PI4KA: variants seen among roughly 807,000 people sequenced by gnomAD.
The protein encoded by PI4KA is phosphatidylinositol 4-kinase alpha, also known as PI4-kinase alpha.
PI4KA carries 122 observed loss-of-function variants against 271.4 expected under a neutral mutation model. The ratio of observed to expected loss-of-function variants is 0.45; its 90% CI spans 0.39 to 0.52. The LOEUF is 0.52. Ranked by LOEUF, PI4KA falls within the 20% of genes least tolerant of loss-of-function variation. PI4KA has a pLI of 0.00. For missense variants in PI4KA, 1,969 were observed against 2,769.1 expected, an observed-to-expected ratio of 0.71 and a Z score of 6.48; for synonymous variants, 1,041 against 1,078.8, an observed-to-expected ratio of 0.96 and a Z score of 0.69.
chr22:20,821,468 C>T (rs528424897), intron 4 of PI4KA, among the ~76,000 whole-genome samples: 1 of 152,194 alleles, frequency 6.6e-6, no homozygotes, highest in Non-Finnish European at 1.5e-5. Flanking sequence ...GATCCACCTG[C>T]CTTGGCCTCG....
chr22:20,848,874 A>G (rs554480734), intron 1 of PI4KA, among the ~76,000 whole-genome samples: 1 of 152,324 alleles, frequency 6.6e-6, no homozygotes, highest in East Asian at 1.9e-4. Context: ...TGTACTTCAA[A>G]GAACACCATG....
In PI4KA at chr22:20,713,710, T is replaced by TGTC. The variant is rs754346328; in HGVS notation, c.5462-323_5462-321dup. Among the ~76,000 whole-genome samples, 110 of 152,334 alleles carry TGTC rather than the reference T, an allele frequency of 7.2e-4. 1 individual carries two copies. Among genetic ancestry groups the TGTC allele is most frequent in the Middle Eastern group, 3.4e-3 (1 of 294 alleles). ...TGTGAGCTAGGGGGCAGGAGGAATG[T>TGTC]GTCTGTACACTGGGGTCCTGGGAGG... On this transcript the variant is annotated intron_variant, in intron 47 of 54. Transcript: ENST00000255882.
rs763520302 is a variant in PI4KA, at chr22:20,764,954, G to C, written c.2575-4C>G. ...TGCGGAGCTCACTCAGCTCAGCCTG[G>C]AGGGAGAGAAACATCCGAGGGCTCA... On this transcript the variant is annotated splice_polypyrimidine_tract_variant and splice_region_variant and intron_variant, in intron 21 of 54. Coordinates refer to ENST00000255882, the MANE Select transcript of PI4KA (RefSeq NM_058004.4). The C allele has an allele frequency of 1.2e-6, 2 of 1,602,300 alleles. No homozygotes were observed. The highest frequency in any genetic ancestry group is 2.2e-5 in the South Asian group (2 of 90,278).
At chr22:20,713,860 C>T (rs1925649616) in intron 47 of PI4KA, among the ~76,000 whole-genome samples, 1 of 152,244 alleles carries the variant, frequency 6.6e-6, no homozygotes, top group African/African-American at 2.4e-5. Context: ...AATTCATGTT[C>T]ACCCCAAACC....
At chr22:20,779,274 C>T (rs147431264) in intron 19 of PI4KA, 54 of 1,613,264 alleles carry the variant, frequency 3.3e-5, no homozygotes, top group Non-Finnish European at 4.4e-5. Flanking sequence ...CCGCCTTTCA[C>T]TGTGTTCTGT....
chr22:20,729,303 G>A lies in PI4KA; in HGVS notation c.4682+10C>T, dbSNP rs184715351. ...AGGCCTGTGTCAGGCTGTGGTGCCC[G>A]GGGGCCCACCTGGCAGGCAGCTGCA... On this transcript the variant is annotated intron_variant, in intron 39 of 54. Transcript: ENST00000255882. 4.4e-4 allele frequency: 704 copies of A among 1,608,370 alleles called. 4 individuals carry two copies. In the African/African-American group the frequency reaches 8.5e-3, roughly 20 times the overall value.
At chr22:20,780,592 A>G (rs2147486216) in intron 19 of PI4KA, among the ~76,000 whole-genome samples, 1 of 152,210 alleles carries the variant, frequency 6.6e-6, no homozygotes, top group South Asian at 2.1e-4. Context: ...ACAGACCAAC[A>G]TGGTGAAAAC....
At chr22:20,851,336 T>G (rs185692339) in intron 1 of PI4KA, among the ~76,000 whole-genome samples, 135 of 152,148 alleles carry the variant, frequency 8.9e-4, no homozygotes, top group African/African-American at 2.6e-3. Context: ...TTGGGTTTTT[T>G]TTGTTGTTGT....
At position 20,841,218 on chromosome 22, in the gene PI4KA, T is replaced by G. The variant is rs558531255; in HGVS notation, c.157-2487A>C. Among the ~76,000 whole-genome samples, 11 of 152,126 alleles carry G rather than the reference T, an allele frequency of 7.2e-5. 1 individual carries two copies. Among genetic ancestry groups the G allele is most frequent in the Admixed American group, 2.6e-4 (4 of 15,280 alleles). ...TTTTTACATAAAGCATAAGAATGGA[T>G]TTCCTCTCTCAGGCCAGGTGCTCTG... On this transcript the variant is annotated intron_variant, in intron 1 of 54. Transcript: ENST00000255882.
chr22:20,816,555 T>G (rs1235127625), intron 7 of PI4KA, among the ~76,000 whole-genome samples: 2 of 152,100 alleles, frequency 1.3e-5, no homozygotes, highest in African/African-American at 4.8e-5. Context: ...CCCAGCTACT[T>G]GAAAGGGCAA....
rs1927483410 is a variant in PI4KA, at chr22:20,727,353, G to A, written c.4818C>T (p.Leu1606=). 1 of 1,608,240 alleles carries A rather than the reference G, an allele frequency of 6.2e-7. No individual in the cohort carries two copies. The highest frequency in any genetic ancestry group is 8.5e-7 in the Non-Finnish European group (1 of 1,178,200). The change falls in exon 41 of 55, where the codon CTC becomes CTT. Residue 1606 remains leucine, a synonymous_variant. Transcript: ENST00000255882. ...WHTIDADAPE[L]SHVLCWAPTD... Reference sequence around the variant, plus strand: ...TGGGCGCCCAGCACAGCACATGGCTGAGCTCTGGAGCATCGGCGTCGATGG... The same window carrying A: ...TGGGCGCCCAGCACAGCACATGGCTAAGCTCTGGAGCATCGGCGTCGATGG...
intron 19 of PI4KA, among the ~76,000 whole-genome samples, chr22:20,792,151 A>G (rs1934683437): frequency 6.6e-6 from 1 of 152,118 alleles, no homozygotes; most frequent in South Asian, 2.1e-4. Flanking sequence ...TAAATAAATA[A>G]CATGCGACAT....
At chr22:20,713,697 G>A (rs1168873525) in intron 47 of PI4KA, among the ~76,000 whole-genome samples, 3 of 152,220 alleles carry the variant, frequency 2.0e-5, no homozygotes, top group East Asian at 3.9e-4. Flanking sequence ...TGAGCTAGGG[G>A]GCAGGAGGAA....
intron 19 of PI4KA, chr22:20,779,219 G>A (rs552942661): frequency 4.4e-6 from 7 of 1,604,318 alleles, no homozygotes; most frequent in Non-Finnish European, 5.9e-6. Context: ...AAAGCCACAG[G>A]GAACCTGCCA....
At chr22:20,782,688 T>C (rs1933890477) in intron 19 of PI4KA, among the ~76,000 whole-genome samples, 1 of 152,136 alleles carries the variant, frequency 6.6e-6, no homozygotes, top group African/African-American at 2.4e-5. Context: ...CACTTTTGGT[T>C]GTCACAACCT....
At chr22:20,783,912 G>T (rs1392956425) in intron 19 of PI4KA, 2 of 1,608,772 alleles carry the variant, frequency 1.2e-6, no homozygotes, top group African/African-American at 2.7e-5. Context: ...CACTCTCAAG[G>T]GTGAGACGAT....
At chr22:20,716,518 A>T (rs1393356391) in intron 45 of PI4KA, among the ~76,000 whole-genome samples, 2 of 152,190 alleles carry the variant, frequency 1.3e-5, no homozygotes, top group Non-Finnish European at 2.9e-5. Flanking sequence ...TGTGGGGTAC[A>T]GGGAGAGGGG....
At chr22:20,781,570 G>A (rs1203475828) in intron 19 of PI4KA, among the ~76,000 whole-genome samples, 1 of 152,244 alleles carries the variant, frequency 6.6e-6, no homozygotes, top group African/African-American at 2.4e-5. Context: ...GGCCCCTGCA[G>A]CTCTACAAGG....
chr22:20,826,099 T>C (rs922629971), intron 3 of PI4KA, among the ~76,000 whole-genome samples: 2 of 152,146 alleles, frequency 1.3e-5, no homozygotes, highest in Admixed American at 6.5e-5. Context: ...TCCCAGCACT[T>C]TGGGAGGCTG....
Sources: allele counts gnomAD v4.1 joint callset (sites outside exome capture counted in the v4.1 genomes callset), GRCh38; gene constraint gnomAD v4.1.1; transcripts MANE v1.5; gene names NCBI Gene and HGNC (gene_info 2026-07-23, HGNC 2026-07-21).